Variants in EFCAB11 observed in about 807,000 individuals in gnomAD.
The protein encoded by EFCAB11 is EF-hand calcium-binding domain-containing protein 11.
In EFCAB11, 14 loss-of-function variants were observed where a neutral mutation model predicts 23.0. The observed-to-expected ratio is 0.61, with a 90% confidence interval of 0.40 to 0.95. The LOEUF (loss-of-function observed/expected upper bound fraction) is 0.95. Among genes scored for constraint, EFCAB11 ranks in the 40% least tolerant of loss-of-function variants. The pLI is 0.00. For synonymous variants in EFCAB11, 65 were observed against 66.6 expected (o/e 0.98, Z 0.11); for missense variants, 198 against 195.8 (o/e 1.01, Z -0.07).
chr14:89,949,988 TCCCTTCCACAACACATAGG>T, intron 3 of EFCAB11, 90 bp downstream of exon 3: 3 of 1,195,148 alleles, frequency 2.5e-6, no homozygotes, highest in African/African-American at 1.6e-5. Context: ...TTCCACCAGG[TCCCTTCCACAACACATAGG>T]AATTTGAGAT....
At chr14:89,860,366 AAAAC>A (rs372088634) in intron 5 of EFCAB11, among the ~76,000 whole-genome samples, 3,142 of 151,520 alleles carry the variant, frequency 0.021, 83 homozygotes, top group African/African-American at 0.064. Flanking sequence ...ACTCCATCTC[AAAAC>A]AAACAAACAA....
intron 5 of EFCAB11, among the ~76,000 whole-genome samples, chr14:89,878,141 C>T (rs1021049123): frequency 1.3e-5 from 2 of 152,146 alleles, no homozygotes; most frequent in African/African-American, 4.8e-5. Context: ...AAAATTCTAG[C>T]TTGCAGGTGG....
intron 5 of EFCAB11, among the ~76,000 whole-genome samples, chr14:89,914,981 C>T (rs1173622913): frequency 1.3e-5 from 2 of 151,976 alleles, no homozygotes; most frequent in East Asian, 1.9e-4. Flanking sequence ...CCCGCCCACA[C>T]ACACACAAAA....
chr14:89,835,335 T>C (rs1887038461), intron 5 of EFCAB11, among the ~76,000 whole-genome samples: 1 of 152,200 alleles, frequency 6.6e-6, no homozygotes, highest in Non-Finnish European at 1.5e-5. Context: ...AATATCTGCA[T>C]ATACGTAATG....
intron 5 of EFCAB11, among the ~76,000 whole-genome samples, chr14:89,857,886 A>G (rs972025043): frequency 3.9e-5 from 6 of 152,236 alleles, no homozygotes; most frequent in Non-Finnish European, 8.8e-5. Context: ...GAATAAAAAG[A>G]AAGTAGGCCC....
In EFCAB11 at chr14:89,842,355, G is replaced by C. The variant is rs947778845; in HGVS notation, c.411-45031C>G. Among the ~76,000 whole-genome samples the C allele has an allele frequency of 3.3e-5, 5 of 152,312 alleles. No homozygotes were observed. In the South Asian group the frequency reaches 1.0e-3, roughly 32 times the overall value. ...TGTAATCCCAGCACTTTGGGAGGCCGAGGCAGGTGGATCACCTGAGTTCAG... is the reference window on the plus strand; with the variant it reads ...TGTAATCCCAGCACTTTGGGAGGCCCAGGCAGGTGGATCACCTGAGTTCAG... On this transcript the variant is annotated intron_variant, in intron 5 of 5. Transcript: ENST00000316738.
At chr14:89,937,198 T>C (rs1278623450) in intron 3 of EFCAB11, among the ~76,000 whole-genome samples, 1 of 152,230 alleles carries the variant, frequency 6.6e-6, no homozygotes, top group African/African-American at 2.4e-5. Flanking sequence ...TTAGACTCTA[T>C]CAATAGTTGG....
chr14:89,849,323 C>T (rs1887526951), intron 5 of EFCAB11, among the ~76,000 whole-genome samples: 1 of 152,208 alleles, frequency 6.6e-6, no homozygotes, highest in African/African-American at 2.4e-5. Context: ...TGGGAAATTA[C>T]TTGGAACAGA....
At chr14:89,813,386 G>A (rs1169396901) in intron 5 of EFCAB11, among the ~76,000 whole-genome samples, 2 of 152,094 alleles carry the variant, frequency 1.3e-5, no homozygotes, top group Admixed American at 1.3e-4. Flanking sequence ...AAGGAAAATG[G>A]CAAAATGATT....
At chr14:89,799,190 A>G (rs984768956) in intron 5 of EFCAB11, 1 of 152,250 alleles carries the variant, frequency 6.6e-6, no homozygotes, top group African/African-American at 2.4e-5. Flanking sequence ...TGGAAAGTTT[A>G]TTCATAACGT....
chr14:89,892,651 T>C (rs143316995), intron 5 of EFCAB11, among the ~76,000 whole-genome samples: 1 of 152,262 alleles, frequency 6.6e-6, no homozygotes, highest in East Asian at 1.9e-4. Context: ...CCTGTAATCC[T>C]AGCATTTTCG....
At chr14:89,846,912 C>T (rs1887447864) in intron 5 of EFCAB11, among the ~76,000 whole-genome samples, 1 of 152,196 alleles carries the variant, frequency 6.6e-6, no homozygotes. Flanking sequence ...TCCCATCTCT[C>T]CTATCTCCTA....
At chr14:89,896,484 T>C (rs1442948634) in intron 5 of EFCAB11, among the ~76,000 whole-genome samples, 1 of 152,082 alleles carries the variant, frequency 6.6e-6, no homozygotes, top group East Asian at 1.9e-4. Flanking sequence ...TTATTGAAAA[T>C]ATCATTTGGC....
At chr14:89,864,738 C>T (rs1459786104) in intron 5 of EFCAB11, among the ~76,000 whole-genome samples, 2 of 152,184 alleles carry the variant, frequency 1.3e-5, no homozygotes, top group Non-Finnish European at 2.9e-5. Flanking sequence ...TATGTCCAGC[C>T]ACATTTCTTT....
chr14:89,848,629 A>G (rs1389797271), intron 5 of EFCAB11: 2 of 152,294 alleles, frequency 1.3e-5, no homozygotes, highest in African/African-American at 4.8e-5. Flanking sequence ...ACACTGTGTT[A>G]AAACAATCTG....
At chr14:89,893,426 C>T (rs1889044857) in intron 5 of EFCAB11, among the ~76,000 whole-genome samples, 1 of 152,138 alleles carries the variant, frequency 6.6e-6, no homozygotes, top group Non-Finnish European at 1.5e-5. Context: ...TGATGAGCCA[C>T]CAAGATCCCC....
At chr14:89,874,715 G>A (rs1888382152) in intron 5 of EFCAB11, among the ~76,000 whole-genome samples, 2 of 152,000 alleles carry the variant, frequency 1.3e-5, no homozygotes, top group South Asian at 4.1e-4. Context: ...GGCTAACATG[G>A]TGAAACCCCG....
At chr14:89,869,239 T>C (rs1352963021) in intron 5 of EFCAB11, among the ~76,000 whole-genome samples, 1 of 152,128 alleles carries the variant, frequency 6.6e-6, no homozygotes, top group Non-Finnish European at 1.5e-5. Context: ...TCTAATGTAC[T>C]TGGTCCCTCC....
intron 5 of EFCAB11, among the ~76,000 whole-genome samples, chr14:89,846,506 C>T (rs1887437527): frequency 6.6e-6 from 1 of 152,212 alleles, no homozygotes; most frequent in Admixed American, 6.5e-5. Context: ...CTCTTCAATT[C>T]TGATGAATTC....
Sources: allele counts gnomAD v4.1 joint callset (sites outside exome capture counted in the v4.1 genomes callset), GRCh38; gene constraint gnomAD v4.1.1; transcripts MANE v1.5; gene names NCBI Gene and HGNC (gene_info 2026-07-23, HGNC 2026-07-21).